PXDNL: variants seen among roughly 807,000 people sequenced by gnomAD.
PXDNL encodes probable oxidoreductase PXDNL.
In PXDNL, 145 loss-of-function variants were observed where a neutral mutation model predicts 150.8. The ratio of observed to expected loss-of-function variants is 0.96; its 90% confidence interval spans 0.84 to 1.10. PXDNL has a LOEUF of 1.10. PXDNL is among the 50% of genes least tolerant of loss of function. The pLI, the probability that PXDNL is intolerant of heterozygous loss-of-function variation, is 0.00. For missense variants in PXDNL, 2,087 were observed against 1,873.9 expected (o/e 1.11, Z -2.10); for synonymous variants, 757 against 725.7 (o/e 1.04, Z -0.69).
chr8:51,623,576 G>A (rs2130739627), intron 2 of PXDNL, among the ~76,000 whole-genome samples: 1 of 152,304 alleles, frequency 6.6e-6, no homozygotes, highest in South Asian at 2.1e-4. Flanking sequence ...TGGGGAAGGT[G>A]TTGGAGGGCT....
At chr8:51,740,644 A>G (rs943234483) in intron 1 of PXDNL, among the ~76,000 whole-genome samples, 1 of 151,500 alleles carries the variant, frequency 6.6e-6, no homozygotes, top group Non-Finnish European at 1.5e-5. Flanking sequence ...GAATTTTTCT[A>G]TTCACGTCCT....
intron 12 of PXDNL, among the ~76,000 whole-genome samples, chr8:51,440,645 C>T (rs934189969): frequency 6.6e-6 from 1 of 151,988 alleles, no homozygotes; most frequent in African/African-American, 2.4e-5. Flanking sequence ...CTTCTGCTTA[C>T]AAAATATATT....
chr8:51,737,177 A>G (rs1817055093), intron 1 of PXDNL, among the ~76,000 whole-genome samples: 1 of 152,112 alleles, frequency 6.6e-6, no homozygotes, highest in African/African-American at 2.4e-5. Flanking sequence ...TCCTTACCAC[A>G]TTTCTCTCAT....
chr8:51,788,899 G>A (rs935111697), intron 1 of PXDNL, among the ~76,000 whole-genome samples: 1 of 152,184 alleles, frequency 6.6e-6, no homozygotes, highest in Non-Finnish European at 1.5e-5. Context: ...GCCTTCCAGA[G>A]CACCAACTAC....
chr8:51,757,385 T>C (rs540324912), intron 1 of PXDNL, among the ~76,000 whole-genome samples: 16 of 152,232 alleles, frequency 1.1e-4, no homozygotes, highest in Admixed American at 2.0e-4. Context: ...GCCCATCATC[T>C]GCACCCGTGG....
intron 12 of PXDNL, among the ~76,000 whole-genome samples, chr8:51,440,944 G>A (rs1809531252): frequency 6.6e-6 from 1 of 152,186 alleles, no homozygotes; most frequent in African/African-American, 2.4e-5. Context: ...GTGGGAGAGA[G>A]GGACCCATGT....
intron 1 of PXDNL, among the ~76,000 whole-genome samples, chr8:51,691,073 T>C (rs1368877473): frequency 6.6e-6 from 1 of 152,222 alleles, no homozygotes; most frequent in African/African-American, 2.4e-5. Context: ...ATATTAGCCC[T>C]TTGTCAGATG....
intron 17 of PXDNL, 22 bp from the exon 18 acceptor site, chr8:51,374,753 A>G: frequency 6.2e-7 from 1 of 1,611,384 alleles, no homozygotes; most frequent in Non-Finnish European, 8.5e-7. Context: ...ACAGGCAGAC[A>G]GCGCACACCT....
intron 1 of PXDNL, among the ~76,000 whole-genome samples, chr8:51,678,874 A>T (rs940342312): frequency 1.3e-5 from 2 of 152,334 alleles, no homozygotes; most frequent in East Asian, 3.9e-4. Flanking sequence ...TAATAAAAAA[A>T]AATTACTACT....
intron 12 of PXDNL, among the ~76,000 whole-genome samples, chr8:51,442,885 AT>A (rs1011724167): frequency 2.0e-5 from 3 of 151,922 alleles, no homozygotes; most frequent in African/African-American, 7.2e-5. Flanking sequence ...AAAATACCTT[AT>A]GGCATTAATT....
chr8:51,799,367 C>T (rs990092305), intron 1 of PXDNL, among the ~76,000 whole-genome samples: 4 of 152,114 alleles, frequency 2.6e-5, no homozygotes, highest in African/African-American at 7.2e-5. Flanking sequence ...CCTGCAAGTC[C>T]TGCACATGTA....
chr8:51,363,989 G>T (rs1178317818), intron 19 of PXDNL, among the ~76,000 whole-genome samples: 2 of 152,154 alleles, frequency 1.3e-5, no homozygotes, highest in Admixed American at 6.5e-5. Flanking sequence ...AATTGTTTTG[G>T]TAAAAGGTAT....
rs1187940037 is a variant in PXDNL at position 51,619,643 on chromosome 8, A to G, written c.237-26945T>C. On this transcript the variant is annotated intron_variant, in intron 2 of 22. Coordinates refer to ENST00000356297, the MANE Select transcript of PXDNL (RefSeq NM_144651.5). ...GCTTTCTCTTCCTCTTGCTCCAGCC[A>G]TGTAAGGCATGCCTTCTCCCCCTTA... is the stretch of plus-strand genomic sequence containing the variant. Among the ~76,000 whole-genome samples, 3 of 152,176 alleles carry G rather than the reference A, an allele frequency of 2.0e-5. No individual in the cohort carries two copies. In the East Asian group the frequency reaches 5.8e-4, roughly 29 times the overall value.
chr8:51,709,750 A>G (rs1329115876), intron 1 of PXDNL, among the ~76,000 whole-genome samples: 1 of 152,242 alleles, frequency 6.6e-6, no homozygotes, highest in Non-Finnish European at 1.5e-5. Flanking sequence ...CCATGTACTT[A>G]ACTACATATG....
intron 2 of PXDNL, among the ~76,000 whole-genome samples, chr8:51,626,168 T>C (rs759633600): frequency 6.6e-6 from 1 of 152,204 alleles, no homozygotes; most frequent in African/African-American, 2.4e-5. Context: ...ATAACGAGAA[T>C]GAACACATAT....
chr8:51,459,611 C>T (rs1021106311), intron 8 of PXDNL, among the ~76,000 whole-genome samples: 1 of 152,188 alleles, frequency 6.6e-6, no homozygotes, highest in Non-Finnish European at 1.5e-5. Flanking sequence ...TCCATAACCT[C>T]TTCGTTATGC....
intron 1 of PXDNL, among the ~76,000 whole-genome samples, chr8:51,680,939 C>CT (rs1464746655): frequency 6.6e-6 from 1 of 151,920 alleles, no homozygotes; most frequent in East Asian, 1.9e-4. Flanking sequence ...TAACTGAACC[C>CT]TAGAAGACCA....
intron 17 of PXDNL, among the ~76,000 whole-genome samples, chr8:51,377,362 C>G (rs1276923105): frequency 6.6e-6 from 1 of 152,144 alleles, no homozygotes; most frequent in Non-Finnish European, 1.5e-5. Flanking sequence ...GCCCTGGCAG[C>G]CCTCACTCGC....
intron 12 of PXDNL, among the ~76,000 whole-genome samples, chr8:51,443,127 G>T (rs1025998527): frequency 6.6e-6 from 1 of 151,828 alleles, no homozygotes; most frequent in African/African-American, 2.4e-5. Flanking sequence ...ATTCTGTTTA[G>T]ATTTCTCTCT....
Sources: gnomAD v4.1 joint callset for allele counts (sites outside exome capture counted in the v4.1 genomes callset) on GRCh38, gnomAD v4.1.1 for gene constraint, MANE v1.5 for transcripts, NCBI Gene and HGNC (gene_info 2026-07-23, HGNC 2026-07-21) for gene names.